HS3ST3A1: variants seen among roughly 807,000 people sequenced by gnomAD.
HS3ST3A1 encodes the protein heparan sulfate-glucosamine 3-sulfotransferase 3A1.
A neutral mutation model predicts 25.7 loss-of-function variants in HS3ST3A1; 19 were observed. That is an observed-to-expected ratio of 0.74 (90% CI 0.52 to 1.08). HS3ST3A1 has a LOEUF of 1.08. HS3ST3A1 is among the 50% of genes least tolerant of loss of function. The probability of loss-of-function intolerance (pLI) is 0.00; values close to 1 mark genes in which losing one functional copy is unlikely to be tolerated. For synonymous variants in HS3ST3A1, 226 were observed against 278.6 expected (o/e 0.81, Z 1.88); for missense variants, 459 against 594.3 (o/e 0.77, Z 2.37).
At chr17:13,541,855 C>A (rs1467722723) in intron 1 of HS3ST3A1, among the ~76,000 whole-genome samples, 3 of 152,166 alleles carry the variant, frequency 2.0e-5, no homozygotes, top group African/African-American at 7.2e-5. Context: ...CAACTGTGAA[C>A]AATCTTGACT....
At position 13,496,753 on chromosome 17, in the gene HS3ST3A1, G is replaced by A; in HGVS notation, c.665C>T (p.Thr222Met). The change falls in exon 2 of 2, where the codon ACG (threonine) becomes ATG (methionine). Residue 222 changes from threonine (T) to methionine (M), a missense_variant. Thr to Met is a moderately conservative substitution (Grantham distance 81). This residue lies in a region of HS3ST3A1 where 67 missense variants were observed against 231.4 expected (regional missense o/e 0.29). Coordinates refer to ENST00000284110, the MANE Select transcript of HS3ST3A1 (RefSeq NM_006042.3). ...CGAGATGCGCGCGGGGGCCTCCCGC[G>A]TGACGAAGTAACTGGGCGTCTTCTC... is the stretch of plus-strand genomic sequence containing the variant. ...TMEKTPSYFV[T>M]REAPARISAM... is the part of the protein sequence containing the mutation. 3.1e-6 allele frequency: 5 copies of A among 1,614,114 alleles called. No individual in the cohort carries two copies. The highest frequency in any genetic ancestry group is 4.2e-6 in the Non-Finnish European group (5 of 1,179,974).
intron 1 of HS3ST3A1, among the ~76,000 whole-genome samples, chr17:13,521,244 A>G (rs967426806): frequency 2.6e-5 from 4 of 152,206 alleles, no homozygotes; most frequent in African/African-American, 9.7e-5. Context: ...TGAGGGGCAC[A>G]AAAACTGCTT....
chr17:13,519,200 C>G (rs947992628), intron 1 of HS3ST3A1, among the ~76,000 whole-genome samples: 2 of 152,178 alleles, frequency 1.3e-5, no homozygotes, highest in Non-Finnish European at 2.9e-5. Flanking sequence ...GTTCTTAAAA[C>G]ACCAAAAATA....
intron 1 of HS3ST3A1, among the ~76,000 whole-genome samples, chr17:13,574,176 C>T (rs1041543862): frequency 6.8e-6 from 1 of 146,606 alleles, no homozygotes; most frequent in Admixed American, 6.8e-5. Flanking sequence ...CTCTATCACT[C>T]AGGCTGGAGT....
At chr17:13,592,139 C>A (rs1908442792) in intron 1 of HS3ST3A1, among the ~76,000 whole-genome samples, 2 of 152,208 alleles carry the variant, frequency 1.3e-5, no homozygotes, top group Admixed American at 1.3e-4. Context: ...AGACCATTCA[C>A]CCCAGTGGTG....
chr17:13,511,976 A>C (rs1265983801), intron 1 of HS3ST3A1, among the ~76,000 whole-genome samples: 1 of 152,210 alleles, frequency 6.6e-6, no homozygotes, highest in East Asian at 1.9e-4. Flanking sequence ...GGATCAAAAT[A>C]TATTCAAATT....
intron 1 of HS3ST3A1, among the ~76,000 whole-genome samples, chr17:13,546,298 ACT>A (rs1327761408): frequency 2.0e-5 from 3 of 151,252 alleles, no homozygotes; most frequent in Non-Finnish European, 4.4e-5. Context: ...ACGGAGTCTC[ACT>A]CTGTTGCTAG....
chr17:13,593,981 G>A (rs897604094), intron 1 of HS3ST3A1, among the ~76,000 whole-genome samples: 1 of 152,096 alleles, frequency 6.6e-6, no homozygotes, highest in African/African-American at 2.4e-5. Flanking sequence ...ACTCACTTTT[G>A]TCTCCCCACA....
intron 1 of HS3ST3A1, among the ~76,000 whole-genome samples, chr17:13,546,558 G>A (rs530555685): frequency 1.9e-4 from 29 of 152,256 alleles, no homozygotes; most frequent in African/African-American, 6.0e-4. Flanking sequence ...GAGCCACTGC[G>A]CCCAGCCCAT....
intron 1 of HS3ST3A1, among the ~76,000 whole-genome samples, chr17:13,539,283 A>G (rs1023295479): frequency 1.3e-5 from 2 of 152,244 alleles, no homozygotes; most frequent in African/African-American, 4.8e-5. Context: ...CTCAAATCCA[A>G]GTGGAGTGAA....
intron 1 of HS3ST3A1, among the ~76,000 whole-genome samples, chr17:13,500,469 G>A (rs1370482312): frequency 6.6e-6 from 1 of 152,224 alleles, no homozygotes; most frequent in African/African-American, 2.4e-5. Context: ...TATGAGGCAG[G>A]CTATGGGAGC....
intron 1 of HS3ST3A1, among the ~76,000 whole-genome samples, chr17:13,580,040 G>C (rs531160182): frequency 6.6e-5 from 10 of 151,034 alleles, no homozygotes; most frequent in African/African-American, 2.4e-4. Flanking sequence ...TACCAGTTTT[G>C]CATTTGCCAT....
chr17:13,575,787 A>G (rs1907933907), intron 1 of HS3ST3A1, among the ~76,000 whole-genome samples: 1 of 152,236 alleles, frequency 6.6e-6, no homozygotes. Flanking sequence ...TGTCGTTCCC[A>G]TCAATGCTGG....
At chr17:13,515,200 G>A (rs1233030709) in intron 1 of HS3ST3A1, among the ~76,000 whole-genome samples, 1 of 152,110 alleles carries the variant, frequency 6.6e-6, no homozygotes, top group East Asian at 1.9e-4. Flanking sequence ...TCCCTCTTTT[G>A]CCCAGGCTGG....
intron 1 of HS3ST3A1, among the ~76,000 whole-genome samples, chr17:13,550,413 T>C (rs1164748698): frequency 1.3e-5 from 2 of 152,044 alleles, no homozygotes; most frequent in African/African-American, 4.8e-5. Context: ...GTCTGGTCTT[T>C]GGAAACCTCC....
At chr17:13,526,511 T>C (rs1906432326) in intron 1 of HS3ST3A1, among the ~76,000 whole-genome samples, 2 of 136,344 alleles carry the variant, frequency 1.5e-5, no homozygotes, top group African/African-American at 2.7e-5. Flanking sequence ...TATATATATA[T>C]ATATTATTGG....
At chr17:13,525,883 T>C (rs142451496) in intron 1 of HS3ST3A1, among the ~76,000 whole-genome samples, 2,031 of 152,218 alleles carry the variant, frequency 0.013, 39 homozygotes, top group African/African-American at 0.047. Context: ...TTTTCTGTGA[T>C]TTACTTTATC....
At chr17:13,500,302 A>G (rs1360912616) in intron 1 of HS3ST3A1, among the ~76,000 whole-genome samples, 1 of 152,232 alleles carries the variant, frequency 6.6e-6, no homozygotes, top group Admixed American at 6.5e-5. Flanking sequence ...TTATTGGCAA[A>G]ACCGCAATTA....
chr17:13,505,607 T>A (rs1905637660), intron 1 of HS3ST3A1, among the ~76,000 whole-genome samples: 1 of 151,522 alleles, frequency 6.6e-6, no homozygotes, highest in Non-Finnish European at 1.5e-5. Flanking sequence ...TCGGTGAGGC[T>A]AGATAGCTGA....
Sources: gnomAD v4.1 joint callset for allele counts (sites outside exome capture counted in the v4.1 genomes callset) on GRCh38, gnomAD v4.1.1 for gene constraint, gnomAD v4.1.1 regional missense constraint, MANE v1.5 for transcripts, NCBI Gene and HGNC (gene_info 2026-07-23, HGNC 2026-07-21) for gene names.